ARMH2: variants seen among roughly 807,000 people sequenced by gnomAD.
ARMH2 encodes the protein armadillo like helical domain containing 2.
ARMH2 carries 5 observed loss-of-function variants against 9.0 expected under a neutral mutation model. That is an observed-to-expected ratio of 0.56 (90% CI 0.29 to 1.17). The LOEUF (loss-of-function observed/expected upper bound fraction) is 1.17, where lower values mean the gene tolerates loss of function less well. Among genes scored for constraint, ARMH2 ranks in the 50% most tolerant of loss-of-function variants. The pLI, the probability that ARMH2 is intolerant of heterozygous loss-of-function variation, is 0.08. For missense variants in ARMH2, 236 were observed against 268.3 expected (o/e 0.88, Z 0.84); for synonymous variants, 74 against 93.1 (o/e 0.79, Z 1.18).
In ARMH2 at chr6:24,798,531, T is replaced by C. The variant is rs1780514206; in HGVS notation, c.265+62A>G. ...TTACAGCTAAGAAAAATTACTAAAC[T>C]ACAGTGTTATAAAATGAGTGTCGTG... On this transcript the variant is annotated intron_variant, in intron 1 of 1. Transcript: ENST00000565469. 2.1e-6 allele frequency: 3 copies of C among 1,447,632 alleles called. No homozygotes were observed. The South Asian group carries it at 4.1e-5, about 20-fold the overall frequency. The allele number at this position is 1,447,632 out of a possible 1,614,324, so 89.7% of individuals were successfully genotyped here.
intron 1 of ARMH2, 120 bp downstream of exon 1, chr6:24,798,473 C>T (rs1780513672): frequency 3.4e-6 from 4 of 1,177,522 alleles, no homozygotes; most frequent in Admixed American, 2.9e-5. Flanking sequence ...GCAAATATCC[C>T]TCATCCAATG....
In ARMH2 at chr6:24,798,608, G is replaced by A. The variant is rs1306328306; in HGVS notation, c.250C>T (p.Leu84=). ...AGATCAGTACCTGTGAAGGCCAGCA[G>A]TCCAATTTTCTGGGCAGCTTGAGCT... The part of the protein sequence containing the change: ...KRAQAAQKIG[L]LAFTGGPPAG... The change falls in exon 1 of 2, where the codon CTG becomes TTG. Residue 84 remains leucine (L), a synonymous_variant. Coordinates refer to ENST00000565469, the MANE Select transcript of ARMH2 (RefSeq NM_001282492.2). The A allele has an allele frequency of 4.9e-5, 75 of 1,534,606 alleles. No homozygotes were observed. In the Admixed American group the frequency reaches 1.1e-3, roughly 22 times the overall value.
chr6:24,798,889 A>G lies in ARMH2; in HGVS notation c.-32T>C. On this transcript the variant is annotated 5_prime_UTR_variant, in exon 1 of 2. Transcript: ENST00000565469. The stretch of plus-strand genomic sequence containing the variant: ...AAAAGGCCAGTGGTCCTTCAGGTAC[A>G]CCACTGGCAGTCACAGGAGTTCACA... 1 of 1,521,646 alleles carries G rather than the reference A, an allele frequency of 6.6e-7. No homozygotes were observed. Among genetic ancestry groups the G allele is most frequent in the Non-Finnish European group, 8.8e-7 (1 of 1,140,154 alleles). 94.3% of individuals were successfully genotyped at this position (1,521,646 alleles called of 1,614,324 possible). A position where few individuals can be genotyped will look rare whatever the true frequency, so the allele number is the denominator to read the frequency against.
At chr6:24,797,929 C>G in intron 1 of ARMH2, 92 bp from the exon 2 acceptor site, 1 of 1,320,546 alleles carries the variant, frequency 7.6e-7, no homozygotes, top group Non-Finnish European at 1.0e-6. Context: ...ATTCTTGTTG[C>G]CCTGTAGAGG....
At chr6:24,798,564 C>G (rs1272498666) in intron 1 of ARMH2, 29 bp downstream of exon 1, 1 of 1,501,074 alleles carries the variant, frequency 6.7e-7, no homozygotes, top group East Asian at 2.5e-5. Context: ...GTGAAACACT[C>G]ATTTTAGCAC....
At chr6:24,797,948 G>A (rs888418131) in intron 1 of ARMH2, 111 bp from the exon 2 acceptor site, 2 of 1,204,600 alleles carry the variant, frequency 1.7e-6, no homozygotes, top group Non-Finnish European at 2.3e-6. Context: ...GGATACTTTG[G>A]ATACTTTGAA....
In ARMH2 at chr6:24,797,473, C is replaced by T. The variant is rs1780497816; in HGVS notation, c.630G>A (p.Trp210Ter). 13 of 1,535,474 alleles carry T rather than the reference C, an allele frequency of 8.5e-6. No homozygotes were observed. Among genetic ancestry groups the T allele is most frequent in the Non-Finnish European group, 1.1e-5 (13 of 1,146,742 alleles). Residue 210 changes from tryptophan to a stop codon, truncating the protein, a stop_gained, in exon 2 of 2, where the codon TGG becomes TGA. Transcript: ENST00000565469. LOFTEE classifies it high-confidence loss of function. ...CTGCAAAATTCTCTGTCCATCCAGACCAATTCTCAGCAGCCAACATTTGCA... is the reference window on the plus strand; with the variant it reads ...CTGCAAAATTCTCTGTCCATCCAGATCAATTCTCAGCAGCCAACATTTGCA... ...YHLQMLAAEN[W>*]SGWTENFAEV...
Position 24,797,565 on chromosome 6 carries a change from CAG to C in ARMH2, c.536_537del (p.Ser179CysfsTer6), listed in dbSNP as rs1780499037. 6.5e-7 allele frequency: 1 copy of C among 1,535,450 alleles called. No homozygotes were observed. Among genetic ancestry groups the C allele is most frequent in the Non-Finnish European group, 8.7e-7 (1 of 1,146,748 alleles). Reference protein sequence around the residue: ...LLKFWTCYVLSVMTCNNLSCV... With the variant: ...LLKFWTCYVLXVMTCNNLSCV... ...CAAGACAAGTTATTGCATGTCATGA[CAG>C]AGAGAACGTAACAAGTCCAAAATTT... On this transcript the variant is annotated frameshift_variant, in exon 2 of 2. Transcript: ENST00000565469. LOFTEE classifies it low-confidence loss of function (END_TRUNC).
chr6:24,797,364 A>C lies in ARMH2; in HGVS notation c.*46T>G, dbSNP rs759053251. On this transcript the variant is annotated 3_prime_UTR_variant, in exon 2 of 2. Transcript: ENST00000565469. ...TTTTTATTGTTTATTTCAGTTTTCC[A>C]GGGTAATACACAGAGAGCTGCAACA... The C allele has an allele frequency of 6.2e-6, 9 of 1,444,606 alleles. No homozygotes were observed. In the South Asian group the frequency reaches 9.5e-5, roughly 15 times the overall value. 89.5% of individuals were successfully genotyped at this position (1,444,606 alleles called of 1,614,324 possible).
At chr6:24,798,448 G>T in intron 1 of ARMH2, 145 bp downstream of exon 1, 2 of 1,017,070 alleles carry the variant, frequency 2.0e-6, no homozygotes, top group Non-Finnish European at 2.8e-6. Flanking sequence ...AATAAAACCT[G>T]GTTGTGTTCG....
Position 24,797,438 on chromosome 6 carries a change from T to C in ARMH2, c.665A>G (p.Tyr222Cys), listed in dbSNP as rs531351062. 3.3e-6 allele frequency: 5 copies of C among 1,534,760 alleles called. No homozygotes were observed. The highest frequency in any genetic ancestry group is 4.4e-6 in the Non-Finnish European group (5 of 1,146,142). The part of the protein sequence containing the change: ...GWTENFAEVL[Y>C]FLIGFHRN Reference sequence around the variant, plus strand: ...ATTCCTATGAAAACCAATTAGGAAATACAGCACCTCTGCAAAATTCTCTGT... The same window carrying C: ...ATTCCTATGAAAACCAATTAGGAAACACAGCACCTCTGCAAAATTCTCTGT... Residue 222 changes from tyrosine to cysteine, a missense_variant, in exon 2 of 2, where the codon TAT becomes TGT. Tyr to Cys is a radical substitution (Grantham distance 194). Coordinates refer to ENST00000565469, the MANE Select transcript of ARMH2 (RefSeq NM_001282492.2).
At position 24,798,885 on chromosome 6, in the gene ARMH2, G is replaced by T. The variant is rs561301990; in HGVS notation, c.-28C>A. ...TGTAAAAAGGCCAGTGGTCCTTCAG[G>T]TACACCACTGGCAGTCACAGGAGTT... On this transcript the variant is annotated 5_prime_UTR_variant, in exon 1 of 2. Coordinates refer to ENST00000565469, the MANE Select transcript of ARMH2 (RefSeq NM_001282492.2). 7 of 1,524,038 alleles carry T rather than the reference G, an allele frequency of 4.6e-6. No homozygotes were observed. In the African/African-American group the frequency reaches 6.9e-5, roughly 15 times the overall value. 94.4% of individuals were successfully genotyped at this position (1,524,038 alleles called of 1,614,324 possible).
rs1780516238 is a variant in ARMH2, at chr6:24,798,696, A to G, written c.162T>C (p.His54=). The stretch of plus-strand genomic sequence containing the variant: ...GGCCAAGTACAACAATTTTTTCCTC[A>G]TGAAAATAAGTCTCAGCTGAAGGGA... ...KKIPSAETYF[H]EEKIVVLGQV... Residue 54 remains histidine (H), a synonymous_variant, in exon 1 of 2, where the codon CAT becomes CAC. Transcript: ENST00000565469. 1.3e-6 allele frequency: 2 copies of G among 1,535,352 alleles called. No homozygotes were observed. The highest frequency in any genetic ancestry group is 1.4e-5 in the African/African-American group (1 of 73,126).
intron 1 of ARMH2, 92 bp from the exon 2 acceptor site, chr6:24,797,929 C>T (rs1443138914): frequency 1.5e-6 from 2 of 1,320,428 alleles, no homozygotes; most frequent in East Asian, 5.0e-5. Flanking sequence ...ATTCTTGTTG[C>T]CCTGTAGAGG....
chr6:24,797,378 A>C lies in ARMH2; in HGVS notation c.*32T>G. The C allele has an allele frequency of 6.6e-7, 1 of 1,506,912 alleles. No individual in the cohort carries two copies. The highest frequency in any genetic ancestry group is 8.9e-7 in the Non-Finnish European group (1 of 1,127,954). 93.3% of individuals were successfully genotyped at this position (1,506,912 alleles called of 1,614,324 possible). A position where few individuals can be genotyped will look rare whatever the true frequency, so the allele number is the denominator to read the frequency against. ...TTCAGTTTTCCAGGGTAATACACAG[A>C]GAGCTGCAACATGTAACTGGATTTA... On this transcript the variant is annotated 3_prime_UTR_variant, in exon 2 of 2. Coordinates refer to ENST00000565469, the MANE Select transcript of ARMH2 (RefSeq NM_001282492.2).
In ARMH2 at chr6:24,798,860, T is replaced by G; in HGVS notation, c.-3A>C. 1 of 1,532,876 alleles carries G rather than the reference T, an allele frequency of 6.5e-7. No homozygotes were observed. The highest frequency in any genetic ancestry group is 8.7e-7 in the Non-Finnish European group (1 of 1,145,288). 95.0% of individuals were successfully genotyped at this position (1,532,876 alleles called of 1,614,324 possible). A position where few individuals can be genotyped will look rare whatever the true frequency, so the allele number is the denominator to read the frequency against. ...CAAGAAAATCGGCTGTTAGCCATTG[T>G]GTAAAAAGGCCAGTGGTCCTTCAGG... is the stretch of plus-strand genomic sequence containing the variant. On this transcript the variant is annotated 5_prime_UTR_variant, in exon 1 of 2. Coordinates refer to ENST00000565469, the MANE Select transcript of ARMH2 (RefSeq NM_001282492.2).
chr6:24,798,765 A>G lies in ARMH2; in HGVS notation c.93T>C (p.Arg31=). 1 of 1,535,390 alleles carries G rather than the reference A, an allele frequency of 6.5e-7. No individual in the cohort carries two copies. Residue 31 remains arginine, a synonymous_variant, in exon 1 of 2, where the codon CGT becomes CGC. Coordinates refer to ENST00000565469, the MANE Select transcript of ARMH2 (RefSeq NM_001282492.2). The part of the protein sequence containing the change: ...GLCRRLQKFW[R]VTVKGFFVKK... The stretch of plus-strand genomic sequence containing the variant: ...TAACAAAAAAGCCCTTAACAGTGAC[A>G]CGCCAGAATTTCTGGAGACGCCGAC...
At chr6:24,798,471 C>A (rs1363834411) in intron 1 of ARMH2, 122 bp downstream of exon 1, 1 of 1,159,870 alleles carries the variant, frequency 8.6e-7, no homozygotes, top group East Asian at 2.6e-5. Context: ...TAGCAAATAT[C>A]CCTCATCCAA....
At position 24,798,796 on chromosome 6, in the gene ARMH2, C is replaced by T; in HGVS notation, c.62G>A (p.Gly21Glu). The change falls in exon 1 of 2, where the codon GGG becomes GAG. Residue 21 changes from glycine to glutamate, a missense_variant. Gly to Glu is a moderately conservative substitution (Grantham distance 98, BLOSUM62 -2). Transcript: ENST00000565469. ...GAATTTCTGGAGACGCCGACACAGC[C>T]CCGCAAAATACCCATACATCTTAAC... ...IWVKMYGYFA[G>E]LCRRLQKFWR... 1.3e-6 allele frequency: 2 copies of T among 1,535,350 alleles called. No homozygotes were observed. The highest frequency in any genetic ancestry group is 8.7e-7 in the Non-Finnish European group (1 of 1,146,730).
Sources: allele counts gnomAD v4.1 joint callset, GRCh38; gene constraint gnomAD v4.1.1; transcripts MANE v1.5; gene names NCBI Gene and HGNC (gene_info 2026-07-23, HGNC 2026-07-21).